The following SLC30A9 variants were observed in gnomAD, a reference collection of about 807,000 sequenced individuals.
The protein encoded by SLC30A9 is solute carrier family 30 member 9.
Under a neutral mutation model 87.5 loss-of-function variants are expected in SLC30A9, and 58 were observed. The ratio of observed to expected loss-of-function variants is 0.66; its 90% CI spans 0.54 to 0.82. SLC30A9 has a LOEUF of 0.82. SLC30A9 is among the 40% of genes least tolerant of loss of function. The pLI, the probability that SLC30A9 is intolerant of heterozygous loss-of-function variation, is 0.00. For missense variants in SLC30A9, 557 were observed against 679.1 expected, an observed-to-expected ratio of 0.82 and a Z score of 2.00; for synonymous variants, 234 against 233.0, an observed-to-expected ratio of 1.00 and a Z score of -0.04.
At chr4:42,032,263 T>C (rs1343223964) in intron 6 of SLC30A9, among the ~76,000 whole-genome samples, 2 of 151,958 alleles carry the variant, frequency 1.3e-5, no homozygotes, top group Non-Finnish European at 2.9e-5. Context: ...GACATGAGAT[T>C]TGGATGGGGA....
In SLC30A9 at chr4:42,066,580, G is replaced by T; in HGVS notation, c.1103G>T (p.Arg368Leu). ...ATLLVAVNEL[R>L]RNARAKGMSF... is the part of the protein sequence containing the mutation. ...CTTCTTGTTGCTGTAAATGAACTTC[G>T]TAGGAATGCTCGGGCTAAAGGAATG... Residue 368 changes from arginine (R) to leucine (L), a missense_variant, in exon 13 of 18, where the codon CGT becomes CTT. Physicochemically the swap from Arg to Leu is moderately radical, Grantham distance 102. Transcript: ENST00000264451. 6.2e-7 allele frequency: 1 copy of T among 1,605,252 alleles called. No homozygotes were observed.
At chr4:42,009,429 A>T (rs1010491857) in intron 2 of SLC30A9, among the ~76,000 whole-genome samples, 1 of 152,250 alleles carries the variant, frequency 6.6e-6, no homozygotes, top group African/African-American at 2.4e-5. Flanking sequence ...AGGAATCCTT[A>T]AGTTTTTAAG....
intron 9 of SLC30A9, among the ~76,000 whole-genome samples, chr4:42,057,928 C>T (rs1476722811): frequency 6.6e-6 from 1 of 151,798 alleles, no homozygotes. Context: ...ATGGTGAAAC[C>T]CCATCTCTAC....
intron 1 of SLC30A9, among the ~76,000 whole-genome samples, chr4:41,991,655 G>A (rs1714446931): frequency 6.6e-6 from 1 of 152,064 alleles, no homozygotes; most frequent in African/African-American, 2.4e-5. Flanking sequence ...GTGGTGGTGC[G>A]CTCCTGTAGT....
At chr4:42,080,639 G>C (rs1233941334) in intron 17 of SLC30A9, among the ~76,000 whole-genome samples, 2 of 152,142 alleles carry the variant, frequency 1.3e-5, no homozygotes, top group Non-Finnish European at 2.9e-5. Flanking sequence ...TGTGGCCAAA[G>C]GCCCCCATCA....
At chr4:42,016,382 C>A (rs946249546) in intron 2 of SLC30A9, among the ~76,000 whole-genome samples, 1 of 152,076 alleles carries the variant, frequency 6.6e-6, no homozygotes. Context: ...ATTTACTACT[C>A]AAGCTAAGAA....
At chr4:42,032,433 T>C (rs1220996528) in intron 6 of SLC30A9, among the ~76,000 whole-genome samples, 4 of 152,222 alleles carry the variant, frequency 2.6e-5, no homozygotes, top group Admixed American at 6.5e-5. Flanking sequence ...CCTTGGAGTA[T>C]AAATATTTAG....
chr4:42,049,203 C>T (rs761375981), intron 8 of SLC30A9, among the ~76,000 whole-genome samples, 174 bp from the exon 9 acceptor site: 6 of 152,078 alleles, frequency 3.9e-5, no homozygotes, highest in Non-Finnish European at 7.4e-5. Flanking sequence ...TGTCCTCAAG[C>T]CATCCTCCCA....
intron 17 of SLC30A9, among the ~76,000 whole-genome samples, chr4:42,084,751 G>C (rs141815875): frequency 1.3e-5 from 2 of 152,128 alleles, no homozygotes; most frequent in South Asian, 4.1e-4. Flanking sequence ...GATTACAGGC[G>C]TGAGCCACCG....
Position 42,060,216 on chromosome 4 carries a change from A to G in SLC30A9, c.866A>G (p.Lys289Arg). Residue 289 changes from lysine (K) to arginine (R), a missense_variant, in exon 10 of 18, where the codon AAG becomes AGG. Around this residue, in one of 2 missense-constraint regions of SLC30A9, gnomAD observed 467 missense variants for 529.8 expected, o/e 0.88. Coordinates refer to ENST00000264451, the MANE Select transcript of SLC30A9 (RefSeq NM_006345.4). ...GGTTTACTAGCATTGGGCATCAGTAAGTCTGTTCAAACACCAGATCCTTCT... is the reference window on the plus strand; with the variant it reads ...GGTTTACTAGCATTGGGCATCAGTAGGTCTGTTCAAACACCAGATCCTTCT... Reference protein sequence around the residue: ...NQGLLALGISKSVQTPDPSHP... With the variant: ...NQGLLALGISRSVQTPDPSHP... 1.2e-6 allele frequency: 2 copies of G among 1,612,832 alleles called. No individual in the cohort carries two copies. Among genetic ancestry groups the G allele is most frequent in the Non-Finnish European group, 1.7e-6 (2 of 1,179,192 alleles).
intron 10 of SLC30A9, among the ~76,000 whole-genome samples, chr4:42,062,341 C>T (rs1390668927): frequency 6.6e-6 from 1 of 151,884 alleles, no homozygotes; most frequent in Non-Finnish European, 1.5e-5. Flanking sequence ...TATTTTTGAG[C>T]ACCTTTAATA....
Position 42,012,528 on chromosome 4 carries a change from G to A in SLC30A9, c.275-5583G>A, listed in dbSNP as rs187835118. ...TGGAGTACATGAGATGTTGTGATAC[G>A]GGCATGCAATGTGAAATAAGCGCGT... On this transcript the variant is annotated intron_variant, in intron 2 of 17. Coordinates refer to ENST00000264451, the MANE Select transcript of SLC30A9 (RefSeq NM_006345.4). Among the ~76,000 whole-genome samples the A allele has an allele frequency of 2.0e-3, 308 of 152,192 alleles. 2 individuals carry two copies. The highest frequency in any genetic ancestry group is 3.4e-3 in the Non-Finnish European group (229 of 68,012).
intron 6 of SLC30A9, chr4:42,029,099 G>C (rs898864662): frequency 1.1e-5 from 3 of 284,358 alleles, no homozygotes; most frequent in African/African-American, 6.9e-5. Context: ...GGTGTGTCCT[G>C]TCTGCGGAGA....
intron 15 of SLC30A9, among the ~76,000 whole-genome samples, chr4:42,075,039 A>G (rs1718470395): frequency 9.8e-5 from 1 of 10,166 alleles, no homozygotes; most frequent in Non-Finnish European, 2.1e-4. Flanking sequence ...ATATATATAT[A>G]TATATATATA....
At chr4:42,007,580 T>C (rs1362266206) in intron 2 of SLC30A9, among the ~76,000 whole-genome samples, 1 of 141,136 alleles carries the variant, frequency 7.1e-6, no homozygotes, top group Non-Finnish European at 1.6e-5. Flanking sequence ...TGAAACCCCA[T>C]CTCTACTAAA....
chr4:42,023,868 C>T (rs1042889437), intron 6 of SLC30A9, among the ~76,000 whole-genome samples: 6 of 152,104 alleles, frequency 3.9e-5, no homozygotes, highest in Non-Finnish European at 8.8e-5. Flanking sequence ...TGGTGTCAGG[C>T]GAGAGACAGC....
chr4:42,001,653 CATG>C lies in SLC30A9; in HGVS notation c.148_150del (p.Met50del), dbSNP rs1560534449. 6.3e-7 allele frequency: 1 copy of C among 1,599,172 alleles called. No homozygotes were observed. On this transcript the variant is annotated inframe_deletion, in exon 2 of 18. Transcript: ENST00000264451. ...TAGTGACATTTGGAAGCTTTTCAAA[CATG>C]GTTCCCTGTAGTCATCCATATATTG... is the stretch of plus-strand genomic sequence containing the variant.
At position 41,990,541 on chromosome 4, in the gene SLC30A9, G is replaced by A. The variant is rs1456187759; in HGVS notation, c.-111G>A. On this transcript the variant is annotated 5_prime_UTR_variant, in exon 1 of 18. Coordinates refer to ENST00000264451, the MANE Select transcript of SLC30A9 (RefSeq NM_006345.4). ...TTTCCGGGTCACCCAGGCAGCTTGT[G>A]GCGGCGAAGCCATCGGTGTTCGCTG... 3.3e-6 allele frequency: 2 copies of A among 609,886 alleles called. No homozygotes were observed. Among genetic ancestry groups the A allele is most frequent in the South Asian group, 2.2e-5 (1 of 44,788 alleles). 37.8% of individuals were successfully genotyped at this position (609,886 alleles called of 1,614,324 possible). A position where few individuals can be genotyped will look rare whatever the true frequency, so the allele number is the denominator to read the frequency against.
Position 42,035,288 on chromosome 4 carries a change from C to T in SLC30A9, c.624C>T (p.Asn208=), listed in dbSNP as rs766544056. ...TTATTCTTACAGGGCTATTTAGAAA[C>T]CAAAAAATATTAAGAGAATACAGAG... is the stretch of plus-strand genomic sequence containing the variant. ...EIEYRERLFR[N]QKILREYRDF... The change falls in exon 7 of 18, where the codon AAC becomes AAT. Residue 208 remains asparagine (N), a synonymous_variant. Coordinates refer to ENST00000264451, the MANE Select transcript of SLC30A9 (RefSeq NM_006345.4). The T allele has an allele frequency of 3.1e-6, 5 of 1,601,398 alleles. No homozygotes were observed. Among genetic ancestry groups the T allele is most frequent in the Non-Finnish European group, 4.3e-6 (5 of 1,171,224 alleles).
Sources: allele counts gnomAD v4.1 joint callset (sites outside exome capture counted in the v4.1 genomes callset), GRCh38; gene constraint gnomAD v4.1.1; regional missense constraint gnomAD v4.1.1; transcripts MANE v1.5; gene names NCBI Gene and HGNC (gene_info 2026-07-23, HGNC 2026-07-21).